EDEM3: variants seen among roughly 807,000 people sequenced by gnomAD.
The protein encoded by EDEM3 is ER degradation-enhancing alpha-mannosidase-like protein 3.
EDEM3 carries 60 observed loss-of-function variants against 110.2 expected under a neutral mutation model. The observed-to-expected ratio is 0.54, with a 90% CI of 0.44 to 0.67. EDEM3 has a LOEUF of 0.67. Among genes scored for constraint, EDEM3 ranks in the 30% least tolerant of loss-of-function variants. The pLI is 0.00. For missense variants in EDEM3, 996 were observed against 1,121.0 expected (o/e 0.89, Z 1.59); for synonymous variants, 352 against 382.9 (o/e 0.92, Z 0.94).
chr1:184,717,648 C>T (rs772962679), intron 11 of EDEM3, 25 bp from the exon 12 acceptor site: 10 of 1,557,006 alleles, frequency 6.4e-6, no homozygotes, highest in Non-Finnish European at 7.8e-6. Context: ...ATACAAAAGG[C>T]ATAAAAAATG....
intron 19 of EDEM3, among the ~76,000 whole-genome samples, chr1:184,702,461 T>G (rs1649678729): frequency 6.6e-6 from 1 of 152,198 alleles, no homozygotes; most frequent in Non-Finnish European, 1.5e-5. Context: ...ATAAAAGACA[T>G]GTAAGATGTA....
rs1482051483 is a variant in EDEM3, at chr1:184,708,172, T to C, written c.2018A>G (p.Asp673Gly). Residue 673 changes from aspartate (D) to glycine (G), a missense_variant, in exon 17 of 20, where the codon GAT (aspartate) becomes GGT (glycine). Around this residue, in one of 5 missense-constraint regions of EDEM3, gnomAD observed 345 missense variants for 402.0 expected, o/e 0.86. Coordinates refer to ENST00000318130, the MANE Select transcript of EDEM3 (RefSeq NM_025191.4). ...LTAGPAQFGL[D>G]LSKHKETRGF... is the part of the protein sequence containing the mutation. ...ACATACCTCTTTATGTTTAGACAGA[T>C]CCAGCCCAAACTGAGCTGGTCCAGC... is the stretch of plus-strand genomic sequence containing the variant. 4 of 1,613,200 alleles carry C rather than the reference T, an allele frequency of 2.5e-6. No individual in the cohort carries two copies. The highest frequency in any genetic ancestry group is 3.4e-6 in the Non-Finnish European group (4 of 1,179,622).
At chr1:184,732,726 T>C (rs1651594611) in intron 6 of EDEM3, 111 bp downstream of exon 6, 1 of 1,013,094 alleles carries the variant, frequency 9.9e-7, no homozygotes, top group Non-Finnish European at 1.4e-6. Flanking sequence ...CTTTGAAGCA[T>C]TTTTTTTTCA....
chr1:184,739,029 T>G (rs1294164859), intron 2 of EDEM3, among the ~76,000 whole-genome samples: 1 of 151,996 alleles, frequency 6.6e-6, no homozygotes, highest in Admixed American at 6.5e-5. Context: ...GAAATAGGAA[T>G]GTAACTGCAT....
intron 2 of EDEM3, among the ~76,000 whole-genome samples, chr1:184,740,253 A>T (rs1652061957): frequency 6.6e-6 from 1 of 152,192 alleles, no homozygotes; most frequent in African/African-American, 2.4e-5. Flanking sequence ...CAAGAATAAT[A>T]GGATTAACAT....
At chr1:184,749,656 T>A in intron 1 of EDEM3, 64 bp from the exon 2 acceptor site, 1 of 1,312,192 alleles carries the variant, frequency 7.6e-7, no homozygotes. Context: ...CTATTTATTA[T>A]CTTTCAAAAA....
chr1:184,746,743 T>G (rs542316583), intron 2 of EDEM3, among the ~76,000 whole-genome samples: 16 of 152,168 alleles, frequency 1.1e-4, no homozygotes, highest in Admixed American at 2.6e-4. Context: ...AAAACACCAC[T>G]GCTTTCCTGG....
intron 6 of EDEM3, among the ~76,000 whole-genome samples, chr1:184,729,103 T>C (rs527337735): frequency 6.6e-6 from 1 of 152,250 alleles, no homozygotes; most frequent in Non-Finnish European, 1.5e-5. Context: ...ATGGCACTGG[T>C]AGCAGTATAT....
chr1:184,710,213 T>C (rs1650150703), intron 16 of EDEM3, among the ~76,000 whole-genome samples, 181 bp downstream of exon 16: 1 of 152,236 alleles, frequency 6.6e-6, no homozygotes, highest in Non-Finnish European at 1.5e-5. Flanking sequence ...TGATTTATAC[T>C]ATAAAGGAGT....
intron 19 of EDEM3, among the ~76,000 whole-genome samples, chr1:184,700,511 G>A (rs1304035639): frequency 6.6e-6 from 1 of 151,938 alleles, no homozygotes; most frequent in African/African-American, 2.4e-5. Context: ...TCTGAATCTT[G>A]TTCAATATTT....
At chr1:184,737,410 AACTT>A (rs1651891795) in intron 3 of EDEM3, among the ~76,000 whole-genome samples, 197 bp downstream of exon 3, 2 of 152,334 alleles carry the variant, frequency 1.3e-5, no homozygotes, top group South Asian at 4.1e-4. Context: ...CTTAACAACT[AACTT>A]TTCTCTGATC....
rs1649040528 is a variant in EDEM3 at position 184,691,028 on chromosome 1, AATTAC to A, written c.*3030_*3034del. 1 of 152,544 alleles carries A rather than the reference AATTAC, an allele frequency of 6.6e-6. No individual in the cohort carries two copies. The highest frequency in any genetic ancestry group is 6.5e-5 in the Admixed American group (1 of 15,274). 9.4% of individuals were successfully genotyped at this position (152,544 alleles called of 1,614,324 possible). A position where few individuals can be genotyped will look rare whatever the true frequency, so the allele number is the denominator to read the frequency against. On this transcript the variant is annotated 3_prime_UTR_variant, in exon 20 of 20. Transcript: ENST00000318130. ...AATTTTAAAAGCTTCTTGAGAGAGT[AATTAC>A]ATTAGTGAAGTTAAAATCAGAAAGT...
intron 13 of EDEM3, 135 bp from the exon 14 acceptor site, chr1:184,712,733 A>C (rs1170089199): frequency 1.7e-6 from 1 of 572,090 alleles, no homozygotes; most frequent in Non-Finnish European, 2.9e-6. Flanking sequence ...GAATGTATCA[A>C]TCTACCAGGG....
intron 1 of EDEM3, among the ~76,000 whole-genome samples, chr1:184,751,980 C>T (rs1318721884): frequency 6.6e-6 from 1 of 151,866 alleles, no homozygotes; most frequent in Admixed American, 6.6e-5. Flanking sequence ...CTCGAACTCC[C>T]GACCTCAGGT....
At chr1:184,728,939 G>C (rs565267558) in intron 6 of EDEM3, among the ~76,000 whole-genome samples, 223 of 152,212 alleles carry the variant, frequency 1.5e-3, no homozygotes, top group African/African-American at 5.2e-3. Context: ...GCAGAACCAA[G>C]ATGCATTTCA....
Position 184,737,031 on chromosome 1 carries a change from A to C in EDEM3, c.339T>G (p.Thr113=). 6.2e-7 allele frequency: 1 copy of C among 1,612,146 alleles called. No homozygotes were observed. Among genetic ancestry groups the C allele is most frequent in the Non-Finnish European group, 8.5e-7 (1 of 1,178,578 alleles). ...CAAGAAGAGTCAAACCTACCACAAG[A>C]GTGTCCAAAGAATCAATCAGTGTCA... ...FSLTLIDSLD[T]LVVLNKTKEF... is the part of the protein sequence containing the mutation. Residue 113 remains threonine (T), a synonymous_variant, in exon 4 of 20, where the codon ACT becomes ACG. Transcript: ENST00000318130.
rs148232633 is a variant in EDEM3, at chr1:184,702,989, A to G, written c.2211T>C (p.Asn737=). The part of the protein sequence containing the change: ...GAIGGIVIDD[N]EGSSSDTAPL... The stretch of plus-strand genomic sequence containing the variant: ...GGGCAGTATCACTGCTGCTCCCCTC[A>G]TTGTCATCTAGCCAGAAAATAAATA... Residue 737 remains asparagine (N), a synonymous_variant, in exon 19 of 20, where the codon AAT becomes AAC. Transcript: ENST00000318130. The G allele has an allele frequency of 1.8e-4, 287 of 1,598,820 alleles. 1 individual carries two copies. The African/African-American group carries it at 3.5e-3, about 20-fold the overall frequency.
rs774834852 is a variant in EDEM3 at position 184,719,282 on chromosome 1, A to C, written c.1078-37T>G. 14 of 1,509,312 alleles carry C rather than the reference A, an allele frequency of 9.3e-6. No homozygotes were observed. The African/African-American group carries it at 2.0e-4, about 21-fold the overall frequency. The allele number at this position is 1,509,312 out of a possible 1,614,324, so 93.5% of individuals were successfully genotyped here. A position where few individuals can be genotyped will look rare whatever the true frequency, so the allele number is the denominator to read the frequency against. On this transcript the variant is annotated intron_variant, in intron 10 of 19. Transcript: ENST00000318130. ...CAACAATAAAATTACCTAATAAAAT[A>C]TGAGCTGATTTTATCTCTAATCATT...
chr1:184,750,018 A>G (rs1652667715), intron 1 of EDEM3, among the ~76,000 whole-genome samples: 1 of 152,154 alleles, frequency 6.6e-6, no homozygotes, highest in Admixed American at 6.5e-5. Context: ...CTTCCCCTAT[A>G]TGTTCTACTA....
Sources: allele counts gnomAD v4.1 joint callset (sites outside exome capture counted in the v4.1 genomes callset), GRCh38; gene constraint gnomAD v4.1.1; regional missense constraint gnomAD v4.1.1; transcripts MANE v1.5; gene names NCBI Gene and HGNC (gene_info 2026-07-23, HGNC 2026-07-21).